The following COL22A1 variants were observed in gnomAD, a reference collection of about 807,000 sequenced individuals.
COL22A1 encodes collagen type XXII alpha 1 chain, also known as collagen alpha-1(XXII) chain.
A neutral mutation model predicts 248.9 loss-of-function variants in COL22A1; 221 were observed. The ratio of observed to expected loss-of-function variants is 0.89; its 90% CI spans 0.80 to 0.99. The LOEUF (loss-of-function observed/expected upper bound fraction) is 0.99. COL22A1 is among the 50% of genes least tolerant of loss of function. The pLI, the probability that COL22A1 is intolerant of heterozygous loss-of-function variation, is 0.00. For missense variants in COL22A1, 2,240 were observed against 2,179.0 expected (o/e 1.03, Z -0.56); for synonymous variants, 891 against 793.4 (o/e 1.12, Z -2.07).
intron 25 of COL22A1, 29 bp downstream of exon 25, chr8:138,724,586 G>A (rs769221366): frequency 7.5e-6 from 12 of 1,609,908 alleles, no homozygotes; most frequent in Admixed American, 5.0e-5. Flanking sequence ...AGGGAGGAGG[G>A]GAGCAGGAAG....
intron 3 of COL22A1, among the ~76,000 whole-genome samples, chr8:138,847,129 T>G (rs1320645497): frequency 6.6e-6 from 1 of 152,216 alleles, no homozygotes; most frequent in Non-Finnish European, 1.5e-5. Context: ...TGGGCATGTC[T>G]GTCTCCCCAG....
At chr8:138,619,547 T>C (rs1161358539) in intron 52 of COL22A1, 39 bp from the exon 53 acceptor site, 3 of 1,586,486 alleles carry the variant, frequency 1.9e-6, no homozygotes, top group East Asian at 4.5e-5. Context: ...GAGGACAACA[T>C]TGTAAGAATC....
At chr8:138,781,562 T>A (rs1815006971) in intron 12 of COL22A1, among the ~76,000 whole-genome samples, 1 of 152,148 alleles carries the variant, frequency 6.6e-6, no homozygotes, top group Non-Finnish European at 1.5e-5. Flanking sequence ...GGGACAAACT[T>A]CTTTCTAAGG....
At chr8:138,693,298 G>T (rs899898304) in intron 35 of COL22A1, among the ~76,000 whole-genome samples, 1 of 152,158 alleles carries the variant, frequency 6.6e-6, no homozygotes, top group Non-Finnish European at 1.5e-5. Flanking sequence ...TAGGATGTGT[G>T]TTCTCTGGTT....
At chr8:138,762,969 G>A (rs1833616492) in intron 16 of COL22A1, among the ~76,000 whole-genome samples, 1 of 152,174 alleles carries the variant, frequency 6.6e-6, no homozygotes. Flanking sequence ...TTCAGACGGA[G>A]CTGACTGAGT....
chr8:138,859,670 A>G (rs1822306058), intron 3 of COL22A1, among the ~76,000 whole-genome samples: 1 of 152,036 alleles, frequency 6.6e-6, no homozygotes, highest in Admixed American at 6.5e-5. Flanking sequence ...ACCCCCCCAC[A>G]CACTTACTCT....
At chr8:138,813,694 T>C (rs1440675356) in intron 7 of COL22A1, among the ~76,000 whole-genome samples, 4 of 149,890 alleles carry the variant, frequency 2.7e-5, no homozygotes, top group Non-Finnish European at 5.9e-5. Flanking sequence ...AGCGTTTCGT[T>C]CTACACTGAA....
intron 13 of COL22A1, 99 bp downstream of exon 13, chr8:138,780,828 C>T (rs1419588373): frequency 2.0e-6 from 2 of 982,778 alleles, no homozygotes; most frequent in Non-Finnish European, 3.3e-6. Flanking sequence ...TCAAGTCTGG[C>T]CCTGGCAATG....
At chr8:138,672,251 T>G (rs1825097859) in intron 41 of COL22A1, among the ~76,000 whole-genome samples, 1 of 152,110 alleles carries the variant, frequency 6.6e-6, no homozygotes, top group African/African-American at 2.4e-5. Flanking sequence ...CTGCTAGAGT[T>G]TCTGGGAGAA....
intron 46 of COL22A1, 65 bp downstream of exon 46, chr8:138,649,600 C>T: frequency 6.4e-7 from 1 of 1,559,162 alleles, no homozygotes; most frequent in Non-Finnish European, 8.7e-7. Flanking sequence ...TGGGGCAATA[C>T]TGAGATCTCC....
At chr8:138,646,452 A>G (rs1307013067) in intron 47 of COL22A1, among the ~76,000 whole-genome samples, 177 bp downstream of exon 47, 2 of 152,164 alleles carry the variant, frequency 1.3e-5, no homozygotes, top group East Asian at 3.9e-4. Context: ...GATTCCACAC[A>G]TTGAAGTGAC....
At position 138,594,075 on chromosome 8, in the gene COL22A1, C is replaced by T. The variant is rs1817311434; in HGVS notation, c.4557G>A (p.Glu1519=). The T allele has an allele frequency of 1.9e-6, 3 of 1,590,402 alleles. No individual in the cohort carries two copies. In the East Asian group the frequency reaches 7.0e-5, roughly 37 times the overall value. The part of the protein sequence containing the change: ...GLPGRAGPMG[E]PGRPGQGGLE... Reference sequence around the variant, plus strand: ...GACCCCCCTGCCCAGGACGACCTGGCTCCCCCATGGGGCCGGCCCGGCCTG... The same window carrying T: ...GACCCCCCTGCCCAGGACGACCTGGTTCCCCCATGGGGCCGGCCCGGCCTG... The change falls in exon 63 of 65, where the codon GAG becomes GAA. Residue 1519 remains glutamate (E), a synonymous_variant. Transcript: ENST00000303045.
chr8:138,755,646 C>T, intron 19 of COL22A1, 135 bp from the exon 20 acceptor site: 4 of 1,341,122 alleles, frequency 3.0e-6, no homozygotes, highest in Non-Finnish European at 4.3e-6. Flanking sequence ...TCTGATTCTG[C>T]CCCATTTTTA....
chr8:138,887,590 G>C (rs1017720885), intron 1 of COL22A1, among the ~76,000 whole-genome samples: 2 of 152,136 alleles, frequency 1.3e-5, no homozygotes, highest in African/African-American at 4.8e-5. Context: ...ACCATTATTG[G>C]CTACCTAGAA....
At chr8:138,598,446 A>C (rs552012109) in intron 61 of COL22A1, among the ~76,000 whole-genome samples, 3 of 152,360 alleles carry the variant, frequency 2.0e-5, no homozygotes, top group Middle Eastern at 6.8e-3. Context: ...CACGAGGAAG[A>C]GGGTTGAACA....
chr8:138,700,327 A>G (rs945143779), intron 31 of COL22A1, among the ~76,000 whole-genome samples, 183 bp from the exon 32 acceptor site: 1 of 152,210 alleles, frequency 6.6e-6, no homozygotes, highest in Non-Finnish European at 1.5e-5. Context: ...TTTATTTATT[A>G]AGGCAGAAAT....
chr8:138,855,167 C>T (rs2131923664), intron 3 of COL22A1, among the ~76,000 whole-genome samples: 2 of 152,322 alleles, frequency 1.3e-5, no homozygotes, highest in Middle Eastern at 6.8e-3. Context: ...AGTACAGTGC[C>T]TGGCACACAG....
chr8:138,757,888 C>T (rs1286061954), intron 18 of COL22A1, among the ~76,000 whole-genome samples: 2 of 152,244 alleles, frequency 1.3e-5, no homozygotes, highest in Non-Finnish European at 2.9e-5. Flanking sequence ...GTCTCCACGA[C>T]GGTCCCCCGT....
At chr8:138,598,674 A>G (rs373961627) in intron 61 of COL22A1, 45 bp downstream of exon 61, 6 of 1,561,120 alleles carry the variant, frequency 3.8e-6, no homozygotes, top group African/African-American at 1.4e-5. Flanking sequence ...GCTCCCCCTT[A>G]GGCCCCGAGG....
Sources: gnomAD v4.1 joint callset for allele counts (sites outside exome capture counted in the v4.1 genomes callset) on GRCh38, gnomAD v4.1.1 for gene constraint, MANE v1.5 for transcripts, NCBI Gene and HGNC (gene_info 2026-07-23, HGNC 2026-07-21) for gene names.